Variants in NRXN3 observed in about 807,000 individuals in gnomAD.
The protein encoded by NRXN3 is neurexin III.
NRXN3 carries 32 observed loss-of-function variants against 137.6 expected under a neutral mutation model. The observed-to-expected ratio is 0.23, with a 90% CI of 0.18 to 0.31. NRXN3 has a LOEUF of 0.31. Among genes scored for constraint, NRXN3 ranks in the 10% least tolerant of loss-of-function variants. The pLI, the probability that NRXN3 is intolerant of heterozygous loss-of-function variation, is 1.00. For synonymous variants in NRXN3, 798 were observed against 784.5 expected (o/e 1.02, Z -0.29); for missense variants, 1,574 against 2,062.5 (o/e 0.76, Z 4.59).
intron 10 of NRXN3, among the ~76,000 whole-genome samples, chr14:78,891,974 G>A (rs2099160263): frequency 1.3e-5 from 2 of 151,950 alleles, no homozygotes; most frequent in Non-Finnish European, 2.9e-5. Context: ...CTGTTCCCAA[G>A]AAGCTTTATA....
At chr14:78,486,317 C>T (rs2095558395) in intron 4 of NRXN3, among the ~76,000 whole-genome samples, 1 of 152,162 alleles carries the variant, frequency 6.6e-6, no homozygotes, top group Admixed American at 6.6e-5. Context: ...TGTGACTCAA[C>T]ATAACCTTTT....
At chr14:79,817,060 AATTATT>A (rs1159147145) in intron 20 of NRXN3, among the ~76,000 whole-genome samples, 1 of 151,900 alleles carries the variant, frequency 6.6e-6, no homozygotes, top group Non-Finnish European at 1.5e-5. Flanking sequence ...TTGCCCCCAT[AATTATT>A]ATTATTTTTT....
At chr14:78,422,399 A>G (rs1435944997) in intron 4 of NRXN3, among the ~76,000 whole-genome samples, 9 of 152,168 alleles carry the variant, frequency 5.9e-5, no homozygotes, top group Non-Finnish European at 1.3e-4. Context: ...TTACTGGCAG[A>G]TAGTAGTCTC....
intron 16 of NRXN3, among the ~76,000 whole-genome samples, chr14:79,638,344 T>A (rs188690919): frequency 6.6e-6 from 1 of 152,042 alleles, no homozygotes; most frequent in African/African-American, 2.4e-5. Context: ...GAGTTCTTTT[T>A]CTACTTATGT....
intron 4 of NRXN3, among the ~76,000 whole-genome samples, chr14:78,428,997 TCTTATC>T (rs1487527194): frequency 6.6e-6 from 1 of 152,070 alleles, no homozygotes; most frequent in African/African-American, 2.4e-5. Flanking sequence ...ATCACACCAA[TCTTATC>T]CTTAACCCTA....
intron 19 of NRXN3, among the ~76,000 whole-genome samples, chr14:79,804,425 C>G (rs2099195281): frequency 6.6e-6 from 1 of 152,082 alleles, no homozygotes; most frequent in Non-Finnish European, 1.5e-5. Flanking sequence ...TTAAAAGGTG[C>G]CTCAAGTCGA....
chr14:79,093,320 C>A (rs1194539347), intron 15 of NRXN3, among the ~76,000 whole-genome samples: 3 of 151,982 alleles, frequency 2.0e-5, no homozygotes, highest in Admixed American at 6.6e-5. Flanking sequence ...CAAGTGCTAC[C>A]CAGAAAACGT....
chr14:79,658,356 G>T (rs555649721), intron 16 of NRXN3, among the ~76,000 whole-genome samples: 5 of 152,174 alleles, frequency 3.3e-5, no homozygotes, highest in Non-Finnish European at 5.9e-5. Flanking sequence ...AAGCAACCAA[G>T]CTTTGTTTCT....
intron 19 of NRXN3, among the ~76,000 whole-genome samples, chr14:79,768,818 T>C (rs1054760262): frequency 6.6e-6 from 1 of 151,932 alleles, no homozygotes; most frequent in Non-Finnish European, 1.5e-5. Context: ...GACAATCAAA[T>C]TACTCTGAGC....
chr14:78,381,807 T>C (rs551269427), intron 4 of NRXN3, among the ~76,000 whole-genome samples: 148 of 152,374 alleles, frequency 9.7e-4, no homozygotes, highest in Non-Finnish European at 1.8e-3. Flanking sequence ...CAGATAATTA[T>C]ACTGAGTGAA....
chr14:78,425,080 A>G (rs892596462), intron 4 of NRXN3, among the ~76,000 whole-genome samples: 13 of 152,228 alleles, frequency 8.5e-5, no homozygotes, highest in African/African-American at 3.1e-4. Context: ...AAGGAGTTTC[A>G]TCTTGATAAT....
intron 16 of NRXN3, among the ~76,000 whole-genome samples, chr14:79,549,843 G>A (rs572589019): frequency 1.4e-4 from 21 of 152,212 alleles, no homozygotes; most frequent in African/African-American, 4.8e-4. Context: ...GGGGCTCTGC[G>A]GTTGATTGTC....
At chr14:79,175,442 G>T (rs767237954) in intron 15 of NRXN3, among the ~76,000 whole-genome samples, 2 of 152,176 alleles carry the variant, frequency 1.3e-5, no homozygotes, top group South Asian at 4.1e-4. Context: ...CCTTTTCAGA[G>T]AAAAATTTTA....
intron 17 of NRXN3, among the ~76,000 whole-genome samples, chr14:79,684,290 A>G (rs913839796): frequency 2.6e-5 from 4 of 151,764 alleles, no homozygotes; most frequent in African/African-American, 9.7e-5. Context: ...GAAGCCATTC[A>G]ACTAGAAACT....
chr14:78,708,968 A>G (rs1306697387), intron 6 of NRXN3, among the ~76,000 whole-genome samples: 4 of 152,194 alleles, frequency 2.6e-5, no homozygotes, highest in African/African-American at 9.7e-5. Flanking sequence ...TAACTTTCTG[A>G]CAACACAAGA....
At position 79,861,298 on chromosome 14, in the gene NRXN3, T is replaced by G; in HGVS notation, c.4094-44T>G. ...AAACCTTTGACTCTAACCTGCCCCC[T>G]ACTGATGATGAAGATTTTTACACCA... On this transcript the variant is annotated intron_variant, in intron 20 of 20. Coordinates refer to ENST00000335750, the MANE Select transcript of NRXN3 (RefSeq NM_001330195.2). This position sits in a 1 kb window ranked among gnomAD's most constrained non-coding sequence, Gnocchi z 5.4. 1.3e-6 allele frequency: 2 copies of G among 1,536,094 alleles called. No individual in the cohort carries two copies. Among genetic ancestry groups the G allele is most frequent in the East Asian group, 4.9e-5 (2 of 40,910 alleles).
At chr14:79,683,969 G>GTT (rs1275480561) in intron 17 of NRXN3, among the ~76,000 whole-genome samples, 1 of 152,128 alleles carries the variant, frequency 6.6e-6, no homozygotes, top group Non-Finnish European at 1.5e-5. Flanking sequence ...CACAATCAAG[G>GTT]TTGAAGAATC....
chr14:78,816,566 C>A (rs1321344696), intron 10 of NRXN3, among the ~76,000 whole-genome samples: 1 of 152,062 alleles, frequency 6.6e-6, no homozygotes, highest in East Asian at 1.9e-4. Flanking sequence ...CAGCACCGTA[C>A]ATTTAAATTT....
intron 15 of NRXN3, among the ~76,000 whole-genome samples, chr14:79,448,090 T>C (rs1259743917): frequency 6.6e-6 from 1 of 152,208 alleles, no homozygotes; most frequent in Non-Finnish European, 1.5e-5. Flanking sequence ...TGCTATCATT[T>C]GTTTCTTCCC....
Sources: gnomAD v4.1 joint callset for allele counts (sites outside exome capture counted in the v4.1 genomes callset) on GRCh38, gnomAD v4.1.1 for gene constraint, Gnocchi (gnomAD v3.1) non-coding constraint, MANE v1.5 for transcripts, NCBI Gene and HGNC (gene_info 2026-07-23, HGNC 2026-07-21) for gene names.